CD6: variants seen among roughly 807,000 people sequenced by gnomAD.
CD6 encodes T-cell differentiation antigen CD6.
CD6 carries 53 observed loss-of-function variants against 75.3 expected under a neutral mutation model. That is an observed-to-expected ratio of 0.70 (90% CI 0.56 to 0.88). The LOEUF is 0.88. Ranked by LOEUF, CD6 falls within the 40% of genes least tolerant of loss-of-function variation. The pLI, the probability that CD6 is intolerant of heterozygous loss-of-function variation, is 0.00. For synonymous variants in CD6, 359 were observed against 381.5 expected, an observed-to-expected ratio of 0.94 and a Z score of 0.69; for missense variants, 770 against 897.1, an observed-to-expected ratio of 0.86 and a Z score of 1.81.
At chr11:60,976,341 T>C (rs1427296064) in intron 1 of CD6, among the ~76,000 whole-genome samples, 1 of 152,242 alleles carries the variant, frequency 6.6e-6, no homozygotes, top group Non-Finnish European at 1.5e-5. Flanking sequence ...TTTACAGATA[T>C]TGTCAAATTC....
intron 1 of CD6, among the ~76,000 whole-genome samples, chr11:60,991,677 C>T (rs1257585831): frequency 4.0e-5 from 6 of 151,366 alleles, no homozygotes; most frequent in Non-Finnish European, 8.8e-5. Context: ...GTTTTTGTTT[C>T]GTTTTCATTT....
chr11:61,019,002 T>C (rs4939488), intron 12 of CD6: 164,207 of 413,696 alleles, frequency 0.4, 36,114 homozygotes, highest in African/African-American at 0.61. Flanking sequence ...CAGAGGGGCT[T>C]CCAACATTCA....
chr11:61,012,298 A>T (rs1467314282), intron 6 of CD6, among the ~76,000 whole-genome samples: 1 of 152,200 alleles, frequency 6.6e-6, no homozygotes, highest in East Asian at 1.9e-4. Flanking sequence ...AGTGAAGCAC[A>T]AAGAGAGATC....
intron 4 of CD6, among the ~76,000 whole-genome samples, chr11:61,009,242 G>A (rs570082098): frequency 6.6e-6 from 1 of 152,308 alleles, no homozygotes; most frequent in African/African-American, 2.4e-5. Context: ...ACCAGCCAGT[G>A]CCTCTCTTTG....
intron 1 of CD6, among the ~76,000 whole-genome samples, chr11:60,999,492 G>T (rs552134124): frequency 6.6e-6 from 1 of 151,606 alleles, no homozygotes; most frequent in African/African-American, 2.4e-5. Flanking sequence ...AAAACATGGC[G>T]GGGGGTGAGG....
Position 60,971,724 on chromosome 11 carries a change from GC to G in CD6, c.-141del, listed in dbSNP as rs1366709251. 7 of 745,812 alleles carry G rather than the reference GC, an allele frequency of 9.4e-6. No individual in the cohort carries two copies. Among genetic ancestry groups the G allele is most frequent in the African/African-American group, 8.6e-5 (5 of 57,894 alleles). The allele number at this position is 745,812 out of a possible 1,614,324, so 46.2% of individuals were successfully genotyped here. ...TCGCATGCGTGTCGGAGAGGAGAGA[GC>G]AGAGAGAGACACAGGAACAAGAACA... On this transcript the variant is annotated 5_prime_UTR_variant, in exon 1 of 13. It introduces an in-frame stop codon into an upstream open reading frame of the 5' UTR. Coordinates refer to ENST00000313421, the MANE Select transcript of CD6 (RefSeq NM_006725.5).
At chr11:60,974,739 T>C (rs556711401) in intron 1 of CD6, among the ~76,000 whole-genome samples, 42 of 152,330 alleles carry the variant, frequency 2.8e-4, no homozygotes, top group African/African-American at 9.4e-4. Flanking sequence ...TAGGAGCCCT[T>C]GACAGGGGAG....
chr11:60,995,783 G>A (rs552410931), intron 1 of CD6, among the ~76,000 whole-genome samples: 11 of 152,268 alleles, frequency 7.2e-5, no homozygotes, highest in African/African-American at 2.2e-4. Context: ...CCCCTGCCCC[G>A]GAGAAGGAAG....
At chr11:60,998,548 T>C (rs1858412288) in intron 1 of CD6, among the ~76,000 whole-genome samples, 2 of 152,138 alleles carry the variant, frequency 1.3e-5, no homozygotes, top group Non-Finnish European at 2.9e-5. Flanking sequence ...CTCTCCACTG[T>C]GCCCCCAACA....
chr11:60,974,967 C>G lies in CD6; in HGVS notation c.49+3053C>G, dbSNP rs948369996. Among the ~76,000 whole-genome samples, 8 of 152,198 alleles carry G rather than the reference C, an allele frequency of 5.3e-5. 1 individual carries two copies. Among genetic ancestry groups the G allele is most frequent in the Admixed American group, 5.2e-4 (8 of 15,288 alleles). On this transcript the variant is annotated intron_variant, in intron 1 of 12. Transcript: ENST00000313421. ...CAGGGCAGTGCTGAGCTCCGTGACT[C>G]TAATGCCAGCTGTGCTCTGGCTGGC...
rs1034579731 is a variant in CD6 at position 61,017,352 on chromosome 11, C to G, written c.1511-127C>G. 7.3e-6 allele frequency: 5 copies of G among 689,130 alleles called. No individual in the cohort carries two copies. In the African/African-American group the frequency reaches 8.9e-5, roughly 12 times the overall value. The allele number at this position is 689,130 out of a possible 1,614,324, so 42.7% of individuals were successfully genotyped here. On this transcript the variant is annotated intron_variant, in intron 9 of 12. Transcript: ENST00000313421. Reference sequence around the variant, plus strand: ...TTTGATGGGAAATGCTAAGCCCTCTCTGCCTCCGGAGTTGTCCTCCCACCC... The same window carrying G: ...TTTGATGGGAAATGCTAAGCCCTCTGTGCCTCCGGAGTTGTCCTCCCACCC...
chr11:60,976,103 A>G (rs3019560), intron 1 of CD6, among the ~76,000 whole-genome samples: 150,758 of 152,310 alleles, frequency 0.99, 74,628 homozygotes, highest in East Asian at 1. Context: ...GTCTGGGATT[A>G]TAGTGTACCC....
Position 61,015,762 on chromosome 11 carries a change from C to T in CD6, c.1437C>T (p.Asp479=). The part of the protein sequence containing the change: ...QVQAPPPEDS[D]SGSDSDYEHY... ...AGGCCCCGCCCCCTGAGGACTCAGA[C>T]TCTGGCTCGGACTCAGACTATGAGC... Residue 479 remains aspartate (D), a synonymous_variant, in exon 9 of 13, where the codon GAC becomes GAT. Coordinates refer to ENST00000313421, the MANE Select transcript of CD6 (RefSeq NM_006725.5). 1.2e-6 allele frequency: 2 copies of T among 1,614,234 alleles called. No homozygotes were observed. Among genetic ancestry groups the T allele is most frequent in the South Asian group, 2.2e-5 (2 of 91,090 alleles).
intron 1 of CD6, among the ~76,000 whole-genome samples, chr11:60,983,121 A>T (rs1156933897): frequency 6.8e-6 from 1 of 146,192 alleles, no homozygotes; most frequent in East Asian, 2.0e-4. Context: ...TTTTTGACGG[A>T]GTCTCACTCT....
chr11:61,015,024 C>A (rs1246596436), intron 8 of CD6, among the ~76,000 whole-genome samples: 1 of 152,162 alleles, frequency 6.6e-6, no homozygotes, highest in Admixed American at 6.5e-5. Context: ...AGGTTTAGAG[C>A]CAGACTGCCG....
At position 61,019,416 on chromosome 11, in the gene CD6, C is replaced by A; in HGVS notation, c.*98C>A. 1.1e-6 allele frequency: 1 copy of A among 928,562 alleles called. No homozygotes were observed. Among genetic ancestry groups the A allele is most frequent in the East Asian group, 2.6e-5 (1 of 38,292 alleles). 57.5% of individuals were successfully genotyped at this position (928,562 alleles called of 1,614,324 possible). A position where few individuals can be genotyped will look rare whatever the true frequency, so the allele number is the denominator to read the frequency against. On this transcript the variant is annotated 3_prime_UTR_variant, in exon 13 of 13. Coordinates refer to ENST00000313421, the MANE Select transcript of CD6 (RefSeq NM_006725.5). ...TTCCCACCCTCCCAGCTCACCTCCC[C>A]ATGGAGCTGAGAGGCCTCCCTTGGA...
rs1272506223 is a variant in CD6, at chr11:61,019,295, T to C, written c.1984T>C (p.Tyr662His). ...PQPDSTDNDD[Y>H]DDISAA Reference sequence around the variant, plus strand: ...GCCTGACTCCACCGACAACGATGACTACGATGACATCAGCGCAGCCTAGGC... The same window carrying C: ...GCCTGACTCCACCGACAACGATGACCACGATGACATCAGCGCAGCCTAGGC... Residue 662 changes from tyrosine (Y) to histidine (H), a missense_variant, in exon 13 of 13, where the codon TAC becomes CAC. Physicochemically the swap from Tyr to His is moderately conservative, Grantham distance 83. Coordinates refer to ENST00000313421, the MANE Select transcript of CD6 (RefSeq NM_006725.5). The C allele has an allele frequency of 8.7e-6, 14 of 1,610,290 alleles. No individual in the cohort carries two copies. The highest frequency in any genetic ancestry group is 1.2e-5 in the Non-Finnish European group (14 of 1,179,814).
intron 1 of CD6, among the ~76,000 whole-genome samples, chr11:60,983,652 G>A (rs577800042): frequency 6.0e-5 from 9 of 150,450 alleles, no homozygotes; most frequent in Non-Finnish European, 1.2e-4. Flanking sequence ...TTTTACATAC[G>A]GACATTTTCT....
intron 9 of CD6, chr11:61,017,127 C>T (rs1859437210): frequency 3.7e-6 from 1 of 269,510 alleles, no homozygotes; most frequent in African/African-American, 2.2e-5. Context: ...TCTAGGAAGG[C>T]TTCTTGAAGG....
Sources: allele counts gnomAD v4.1 joint callset (sites outside exome capture counted in the v4.1 genomes callset), GRCh38; gene constraint gnomAD v4.1.1; transcripts MANE v1.5; gene names NCBI Gene and HGNC (gene_info 2026-07-23, HGNC 2026-07-21).